The following LRCH1 variants were observed in gnomAD, a reference collection of about 807,000 sequenced individuals.
LRCH1 encodes leucine-rich repeat and calponin homology domain-containing protein 1.
LRCH1 carries 23 observed loss-of-function variants against 94.9 expected under a neutral mutation model. The ratio of observed to expected loss-of-function variants is 0.24; its 90% CI spans 0.17 to 0.34. The LOEUF (loss-of-function observed/expected upper bound fraction) is 0.34. LRCH1 is among the 10% of genes least tolerant of loss of function. The probability of loss-of-function intolerance (pLI) is 1.00; values close to 1 mark genes in which losing one functional copy is unlikely to be tolerated. For synonymous variants in LRCH1, 364 were observed against 354.9 expected (o/e 1.03, Z -0.29); for missense variants, 790 against 945.9 (o/e 0.84, Z 2.16).
intron 16 of LRCH1, 58 bp from the exon 17 acceptor site, chr13:46,723,163 G>C: frequency 2.3e-6 from 2 of 885,402 alleles, no homozygotes; most frequent in Non-Finnish European, 3.7e-6. Context: ...ATTTTAATAT[G>C]AATAGCCCTA....
At chr13:46,651,873 GTT>G (rs1170289609) in intron 2 of LRCH1, among the ~76,000 whole-genome samples, 8 of 118,758 alleles carry the variant, frequency 6.7e-5, no homozygotes, top group Admixed American at 4.1e-4. Context: ...CTGATGTTTT[GTT>G]TTTTTTGTTT....
At chr13:46,706,358 A>C (rs1275718041) in intron 13 of LRCH1, among the ~76,000 whole-genome samples, 12 of 152,180 alleles carry the variant, frequency 7.9e-5, no homozygotes, top group Non-Finnish European at 1.6e-4. Flanking sequence ...AATGTTAGCT[A>C]TTAGCTTACT....
In LRCH1 at chr13:46,688,504, T is replaced by C. The variant is rs1477053952; in HGVS notation, c.950+525T>C. On this transcript the variant is annotated intron_variant, in intron 6 of 19. Transcript: ENST00000389797. ...ACCCTTTCACACATCCTAGAGCTTC[T>C]TGTGGCATAAATCAAGCCTTGAGCT... Among the ~76,000 whole-genome samples, 3 of 152,232 alleles carry C rather than the reference T, an allele frequency of 2.0e-5. No individual in the cohort carries two copies. In the East Asian group the frequency reaches 5.8e-4, roughly 29 times the overall value.
intron 1 of LRCH1, among the ~76,000 whole-genome samples, chr13:46,601,999 C>T (rs1186714210): frequency 6.6e-6 from 1 of 152,168 alleles, no homozygotes; most frequent in Non-Finnish European, 1.5e-5. Context: ...TGTCTACTGA[C>T]TTGCAACGTT....
chr13:46,730,189 G>A (rs1310168553), intron 18 of LRCH1, among the ~76,000 whole-genome samples: 1 of 152,166 alleles, frequency 6.6e-6, no homozygotes, highest in African/African-American at 2.4e-5. Context: ...AAGAATGTAA[G>A]GTTTGGATTA....
At chr13:46,614,681 T>C (rs919960214) in intron 1 of LRCH1, among the ~76,000 whole-genome samples, 1 of 152,226 alleles carries the variant, frequency 6.6e-6, no homozygotes. Flanking sequence ...CTGTGTATTC[T>C]CCTTGTTTCA....
rs1330394548 is a variant in LRCH1, at chr13:46,582,653, T to TTTTTTTTTGTTTTG, written c.307+28958_307+28959insGTTTTGTTTTTTTT. ...GCACGCACCACCATGCCCAGCTTTTTTTTTTTTTTTTTTTTTTTTGTATTT... is the reference window on the plus strand; with the variant it reads ...GCACGCACCACCATGCCCAGCTTTTTTTTTTTTTGTTTTGTTTTTTTTTTTTTTTTTTTGTATTT... On this transcript the variant is annotated intron_variant, in intron 1 of 19. Transcript: ENST00000389797. Among the ~76,000 whole-genome samples, 14 of 94,614 alleles carry TTTTTTTTTGTTTTG rather than the reference T, an allele frequency of 1.5e-4. 1 individual carries two copies. The highest frequency in any genetic ancestry group is 5.5e-4 in the African/African-American group (14 of 25,558). 62.1% of individuals were successfully genotyped at this position (94,614 alleles called of 152,430 possible).
chr13:46,639,971 T>C (rs1001469502), intron 1 of LRCH1, among the ~76,000 whole-genome samples: 4 of 152,252 alleles, frequency 2.6e-5, no homozygotes, highest in Non-Finnish European at 5.9e-5. Context: ...CTCCAGACAC[T>C]GCTAACTGCT....
intron 2 of LRCH1, among the ~76,000 whole-genome samples, chr13:46,662,854 A>G (rs4942568): frequency 0.53 from 81,251 of 152,058 alleles, 22,373 homozygotes; most frequent in East Asian, 0.62. Context: ...ACTGTTGCAG[A>G]AATTTGCCTG....
chr13:46,598,721 C>T (rs1398575518), intron 1 of LRCH1, among the ~76,000 whole-genome samples: 3 of 152,124 alleles, frequency 2.0e-5, no homozygotes, highest in Non-Finnish European at 4.4e-5. Flanking sequence ...AAGGGAAATG[C>T]TTAGGCTGCT....
At chr13:46,558,043 A>T (rs569057351) in intron 1 of LRCH1, among the ~76,000 whole-genome samples, 1 of 141,990 alleles carries the variant, frequency 7.0e-6, no homozygotes, top group East Asian at 1.9e-4. Flanking sequence ...CCTTAAACAA[A>T]CAAACAAACA....
intron 15 of LRCH1, 90 bp from the exon 16 acceptor site, chr13:46,715,470 C>T (rs1004905695): frequency 5.7e-6 from 4 of 707,314 alleles, no homozygotes; most frequent in East Asian, 5.4e-5. Context: ...CCATGCAAAC[C>T]CTATGCCATT....
intron 3 of LRCH1, among the ~76,000 whole-genome samples, chr13:46,677,543 T>C (rs531570877): frequency 2.2e-4 from 34 of 152,376 alleles, no homozygotes; most frequent in African/African-American, 6.7e-4. Context: ...TAAATCCTTG[T>C]TATTTTTGCA....
chr13:46,725,868 A>G (rs923630515), intron 17 of LRCH1, among the ~76,000 whole-genome samples: 48 of 152,210 alleles, frequency 3.2e-4, no homozygotes, highest in African/African-American at 1.1e-3. Flanking sequence ...TAAGATCAGA[A>G]GCTGAGCTAT....
intron 10 of LRCH1, among the ~76,000 whole-genome samples, chr13:46,700,349 C>T (rs1283432765): frequency 6.6e-6 from 1 of 152,174 alleles, no homozygotes; most frequent in Non-Finnish European, 1.5e-5. Flanking sequence ...TCAAATCTCT[C>T]TTGCCCTTTA....
intron 1 of LRCH1, among the ~76,000 whole-genome samples, chr13:46,571,350 A>G (rs1185661068): frequency 1.3e-5 from 2 of 152,106 alleles, no homozygotes; most frequent in African/African-American, 4.8e-5. Flanking sequence ...GTGCCAAGAG[A>G]ACAGTTGTCA....
downstream of LRCH1, among the ~76,000 whole-genome samples, chr13:46,749,590 C>T (rs540542523): frequency 9.7e-5 from 14 of 144,592 alleles, no homozygotes; most frequent in African/African-American, 3.0e-4. Flanking sequence ...TCATGCTGGA[C>T]ACCATAAATA....
At chr13:46,601,933 A>G (rs193294189) in intron 1 of LRCH1, among the ~76,000 whole-genome samples, 4 of 152,238 alleles carry the variant, frequency 2.6e-5, no homozygotes, top group Admixed American at 2.0e-4. Flanking sequence ...TGTTTAATAA[A>G]CCTAAGAATT....
intron 1 of LRCH1, among the ~76,000 whole-genome samples, chr13:46,600,107 A>G (rs1317766809): frequency 4.6e-5 from 7 of 152,206 alleles, no homozygotes; most frequent in Non-Finnish European, 1.0e-4. Context: ...GCTGGTCTTG[A>G]ACTCCTGGCC....
Sources: gnomAD v4.1 joint callset for allele counts (sites outside exome capture counted in the v4.1 genomes callset) on GRCh38, gnomAD v4.1.1 for gene constraint, MANE v1.5 for transcripts, NCBI Gene and HGNC (gene_info 2026-07-23, HGNC 2026-07-21) for gene names.